The following NME7 variants were observed in gnomAD, a reference collection of about 807,000 sequenced individuals.
The protein encoded by NME7 is nucleoside diphosphate kinase 7.
In NME7, 41 loss-of-function variants were observed where a neutral mutation model predicts 49.1. The observed-to-expected ratio is 0.83, with a 90% confidence interval of 0.65 to 1.08. NME7 has a LOEUF of 1.08. Ranked by LOEUF, NME7 falls within the 50% of genes least tolerant of loss-of-function variation. The probability of loss-of-function intolerance (pLI) is 0.00; values close to 1 mark genes in which losing one functional copy is unlikely to be tolerated. For missense variants in NME7, 423 were observed against 463.4 expected, an observed-to-expected ratio of 0.91 and a Z score of 0.80; for synonymous variants, 139 against 150.6, an observed-to-expected ratio of 0.92 and a Z score of 0.56.
intron 11 of NME7, among the ~76,000 whole-genome samples, chr1:169,137,024 A>C (rs1658453217): frequency 6.6e-6 from 1 of 152,264 alleles, no homozygotes. Flanking sequence ...CCAAATTAAA[A>C]TATGTGTGCC....
intron 7 of NME7, among the ~76,000 whole-genome samples, chr1:169,278,141 T>C (rs564033031): frequency 1.9e-4 from 29 of 151,250 alleles, no homozygotes; most frequent in African/African-American, 7.0e-4. Context: ...ATTTCAACTT[T>C]GGTGAATCTG....
chr1:169,155,164 A>G (rs17345170), intron 11 of NME7, among the ~76,000 whole-genome samples: 37,995 of 152,004 alleles, frequency 0.25, 5,573 homozygotes, highest in Non-Finnish European at 0.34. Flanking sequence ...TTCCTCTTTG[A>G]CCTATGAAAT....
rs1291454967 is a variant in NME7 at position 169,258,961 on chromosome 1, G to A, written c.755-21274C>T. Reference sequence around the variant, plus strand: ...TATATTTAATCCAAGTGATCCTGATGCACACTAACGTTTCAGAACCATTAC... The same window carrying A: ...TATATTTAATCCAAGTGATCCTGATACACACTAACGTTTCAGAACCATTAC... On this transcript the variant is annotated intron_variant, in intron 7 of 11. Transcript: ENST00000367811. 3.7e-5 allele frequency among the ~76,000 whole-genome samples: 5 copies of A among 133,380 alleles called. 1 individual carries two copies. Among genetic ancestry groups the A allele is most frequent in the Admixed American group, 3.7e-4 (5 of 13,540 alleles). 87.5% of individuals were successfully genotyped at this position (133,380 alleles called of 152,430 possible).
At chr1:169,227,541 G>A (rs529124467) in intron 10 of NME7, among the ~76,000 whole-genome samples, 1 of 152,286 alleles carries the variant, frequency 6.6e-6, no homozygotes, top group African/African-American at 2.4e-5. Flanking sequence ...TCTGAAGGCT[G>A]GAAGGTCTGA....
intron 1 of NME7, among the ~76,000 whole-genome samples, chr1:169,325,131 A>C (rs1009801559): frequency 1.1e-4 from 16 of 152,328 alleles, no homozygotes; most frequent in Admixed American, 9.8e-4. Context: ...GGAGCCAAGG[A>C]AGACTAGAAA....
intron 7 of NME7, among the ~76,000 whole-genome samples, chr1:169,250,923 T>C (rs1648545029): frequency 6.6e-6 from 1 of 152,144 alleles, no homozygotes; most frequent in East Asian, 1.9e-4. Context: ...ATGTTCTGTG[T>C]GCTGATTAAA....
intron 7 of NME7, among the ~76,000 whole-genome samples, chr1:169,269,551 A>T (rs554910124): frequency 7.5e-6 from 1 of 133,754 alleles, no homozygotes; most frequent in African/African-American, 2.5e-5. Flanking sequence ...AACTGATTCA[A>T]TCGGCCCAAA....
intron 7 of NME7, among the ~76,000 whole-genome samples, chr1:169,277,383 C>G (rs2101882579): frequency 7.1e-6 from 1 of 141,768 alleles, no homozygotes; most frequent in African/African-American, 2.5e-5. Context: ...GTATTGGGTG[C>G]AATATATTTA....
intron 8 of NME7, among the ~76,000 whole-genome samples, chr1:169,237,248 G>A (rs183007679): frequency 2.0e-5 from 3 of 152,148 alleles, no homozygotes; most frequent in East Asian, 3.9e-4. Flanking sequence ...TTCATTATTT[G>A]TTTAGTGAAG....
At chr1:169,137,967 C>T (rs1285691610) in intron 11 of NME7, among the ~76,000 whole-genome samples, 2 of 152,182 alleles carry the variant, frequency 1.3e-5, no homozygotes, top group Non-Finnish European at 2.9e-5. Flanking sequence ...GTGTCTTCTT[C>T]AGATATGCTT....
Position 169,310,100 on chromosome 1 carries a change from AAGTTTGCAAATAAAAATAGTTCAAC to A in NME7, c.279-45_279-21del, listed in dbSNP as rs1651329161. On this transcript the variant is annotated intron_variant, in intron 3 of 11. Transcript: ENST00000367811. ...AGCGTTCTATAAGGAAACAAAAAAT[AAGTTTGCAAATAAAAATAGTTCAAC>A]AGTTTTTATTTATAATTCCCAAGCA... is the stretch of plus-strand genomic sequence containing the variant. 1 of 1,447,174 alleles carries A rather than the reference AAGTTTGCAAATAAAAATAGTTCAAC, an allele frequency of 6.9e-7. No homozygotes were observed. The highest frequency in any genetic ancestry group is 1.4e-5 in the African/African-American group (1 of 70,564). 89.6% of individuals were successfully genotyped at this position (1,447,174 alleles called of 1,614,324 possible).
intron 1 of NME7, among the ~76,000 whole-genome samples, chr1:169,326,276 C>G (rs1438858638): frequency 6.6e-6 from 1 of 152,034 alleles, no homozygotes; most frequent in Non-Finnish European, 1.5e-5. Flanking sequence ...AGAAAATAAA[C>G]TGAGGAACTG....
chr1:169,282,341 T>G (rs561808268), intron 7 of NME7, among the ~76,000 whole-genome samples: 1 of 152,202 alleles, frequency 6.6e-6, no homozygotes, highest in African/African-American at 2.4e-5. Context: ...TTCTCTCTTT[T>G]CTTCTTTATT....
At chr1:169,279,041 T>G (rs34469836) in intron 7 of NME7, among the ~76,000 whole-genome samples, 47,818 of 151,942 alleles carry the variant, frequency 0.31, 8,392 homozygotes, top group East Asian at 0.67. Flanking sequence ...TTGTTCCTCT[T>G]GAAGTTTTGT....
rs200145809 is a variant in NME7, at chr1:169,342,518, GTATA to G, written c.4-18022_4-18019del. 1.0e-4 allele frequency among the ~76,000 whole-genome samples: 10 copies of G among 95,454 alleles called. 2 individuals are homozygous for G. The highest frequency in any genetic ancestry group is 2.2e-4 in the African/African-American group (6 of 27,542). The allele number at this position is 95,454 out of a possible 152,430, so 62.6% of individuals were successfully genotyped here. A position where few individuals can be genotyped will look rare whatever the true frequency, so the allele number is the denominator to read the frequency against. ...ATATATACAAGTACATATATATATA[GTATA>G]TATATACAAGTACATATATATAGTA... On this transcript the variant is annotated intron_variant, in intron 1 of 11. Coordinates refer to ENST00000367811, the MANE Select transcript of NME7 (RefSeq NM_013330.5).
chr1:169,291,021 A>T (rs1374684724), intron 6 of NME7, among the ~76,000 whole-genome samples: 1 of 152,186 alleles, frequency 6.6e-6, no homozygotes, highest in Non-Finnish European at 1.5e-5. Flanking sequence ...CAGATGCTGG[A>T]GAGGATGTGG....
intron 10 of NME7, among the ~76,000 whole-genome samples, chr1:169,195,956 T>C (rs1660370199): frequency 6.6e-6 from 1 of 152,180 alleles, no homozygotes; most frequent in Admixed American, 6.6e-5. Context: ...GGATAAGTAA[T>C]TGAGTGTTAG....
At chr1:169,197,196 A>C (rs905703288) in intron 10 of NME7, among the ~76,000 whole-genome samples, 7 of 152,164 alleles carry the variant, frequency 4.6e-5, no homozygotes, top group African/African-American at 1.7e-4. Flanking sequence ...CTGCTTTATA[A>C]ATTGAAAAAG....
intron 5 of NME7, among the ~76,000 whole-genome samples, chr1:169,299,396 G>A (rs950194925): frequency 6.6e-6 from 1 of 152,078 alleles, no homozygotes; most frequent in African/African-American, 2.4e-5. Flanking sequence ...ATCCAGCACT[G>A]AGTCACAGTC....
Sources: gnomAD v4.1 joint callset for allele counts (sites outside exome capture counted in the v4.1 genomes callset) on GRCh38, gnomAD v4.1.1 for gene constraint, MANE v1.5 for transcripts, NCBI Gene and HGNC (gene_info 2026-07-23, HGNC 2026-07-21) for gene names.